GRK1: variants seen among roughly 807,000 people sequenced by gnomAD.
The protein encoded by GRK1 is G protein-coupled receptor kinase 1.
Under a neutral mutation model 41.7 loss-of-function variants are expected in GRK1, and 28 were observed. The observed-to-expected ratio is 0.67, with a 90% confidence interval of 0.50 to 0.92. The LOEUF is 0.92. Among genes scored for constraint, GRK1 ranks in the 40% least tolerant of loss-of-function variants. The pLI is 0.00. For synonymous variants in GRK1, 327 were observed against 286.7 expected, an observed-to-expected ratio of 1.14 and a Z score of -1.42; for missense variants, 703 against 671.2, an observed-to-expected ratio of 1.05 and a Z score of -0.52.
chr13:113,672,232 T>G (rs1196466886), intron 3 of GRK1, among the ~76,000 whole-genome samples: 1 of 145,168 alleles, frequency 6.9e-6, no homozygotes, highest in Non-Finnish European at 1.5e-5. Flanking sequence ...TGGCATATGG[T>G]GTGTATGTGT....
intron 5 of GRK1, among the ~76,000 whole-genome samples, chr13:113,732,131 G>T (rs1018199578): frequency 2.6e-5 from 4 of 152,222 alleles, no homozygotes; most frequent in Admixed American, 6.5e-5. Context: ...CCTCTCGTTG[G>T]ACGGAGGGGG....
the GRK1 span, chr13:113,651,527 T>C: frequency 7.9e-6 from 7 of 882,670 alleles, no homozygotes; most frequent in African/African-American, 1.0e-4. Flanking sequence ...GCTGTGGTGA[T>C]GGTTCGGTGT....
At chr13:113,670,651 AGC>A (rs2049850156) in intron 2 of GRK1, among the ~76,000 whole-genome samples, 1 of 150,708 alleles carries the variant, frequency 6.6e-6, no homozygotes, top group Admixed American at 6.6e-5. Context: ...GGCACTGGGA[AGC>A]GCAGACACAG....
intron 4 of GRK1, among the ~76,000 whole-genome samples, chr13:113,728,610 CG>C (rs1177701743): frequency 1.3e-5 from 2 of 152,170 alleles, no homozygotes; most frequent in Non-Finnish European, 2.9e-5. Flanking sequence ...AGCATTGCAG[CG>C]GGGCCCGGAG....
chr13:113,728,950 G>A (rs1653212862), intron 4 of GRK1, among the ~76,000 whole-genome samples: 1 of 152,130 alleles, frequency 6.6e-6, no homozygotes. Context: ...CCCCATGCCA[G>A]CCTGAGCAGC....
At chr13:113,733,943 TGC>T (rs1491193390) in intron 6 of GRK1, among the ~76,000 whole-genome samples, 1,655 of 139,832 alleles carry the variant, frequency 0.012, 64 homozygotes, top group African/African-American at 0.048. Flanking sequence ...CATACGTGTG[TGC>T]GTGTGTGTGC....
upstream of GRK1, among the ~76,000 whole-genome samples, chr13:113,664,594 G>A (rs1369022775): frequency 1.3e-5 from 2 of 152,024 alleles, no homozygotes; most frequent in Non-Finnish European, 2.9e-5. The surrounding 1 kb of genome is among the most constrained non-coding windows in gnomAD (Gnocchi z 5.4). Flanking sequence ...TTAACCGAAC[G>A]CTTCCCAACA....
At chr13:113,654,740 C>A in the GRK1 span, 2 of 1,534,358 alleles carry the variant, frequency 1.3e-6, no homozygotes, top group East Asian at 2.4e-5. Flanking sequence ...ACGGGTCCCC[C>A]GGGCGTCTCC....
the GRK1 span, among the ~76,000 whole-genome samples, chr13:113,650,764 C>T: frequency 2.6e-5 from 4 of 152,120 alleles, no homozygotes; most frequent in Non-Finnish European, 4.4e-5. This position sits in a 1 kb window ranked among gnomAD's most constrained non-coding sequence, Gnocchi z 5.0. Flanking sequence ...GGAAGGATGA[C>T]GCAGGTGGGT....
chr13:113,656,974 G>A, the GRK1 span, among the ~76,000 whole-genome samples: 314 of 152,200 alleles, frequency 2.1e-3, 1 homozygote, highest in African/African-American at 7.1e-3. Context: ...TTCTGCCCCC[G>A]GTCCCTGCCT....
chr13:113,652,880 A>G, the GRK1 span: 1 of 1,614,026 alleles, frequency 6.2e-7, no homozygotes, highest in African/African-American at 1.3e-5. Context: ...CACCCTGTTC[A>G]TTTTAATAAT....
intron 6 of GRK1, among the ~76,000 whole-genome samples, chr13:113,734,062 A>G (rs555239797): frequency 2.8e-4 from 42 of 149,270 alleles, no homozygotes; most frequent in Admixed American, 6.0e-4. Flanking sequence ...GTGTGTGTGC[A>G]TGTGTGTGCG....
chr13:113,665,512 T>G (rs143073013), upstream of GRK1, among the ~76,000 whole-genome samples: 329 of 151,466 alleles, frequency 2.2e-3, 1 homozygote, highest in Non-Finnish European at 3.6e-3. Context: ...GTGTCTCAGG[T>G]GTGCCCCAGC....
intron 4 of GRK1, among the ~76,000 whole-genome samples, chr13:113,725,146 C>A (rs1306647186): frequency 2.6e-5 from 4 of 151,128 alleles, no homozygotes. Context: ...CCGCAGGGTC[C>A]GCATCCTTCT....
In GRK1 at chr13:113,735,083, C is replaced by T. The variant is rs923582873; in HGVS notation, c.1412C>T (p.Pro471Leu). 52 of 1,517,734 alleles carry T rather than the reference C, an allele frequency of 3.4e-5. No homozygotes were observed. The highest frequency in any genetic ancestry group is 2.4e-4 in the Admixed American group (12 of 50,306). 94.0% of individuals were successfully genotyped at this position (1,517,734 alleles called of 1,614,324 possible). A position where few individuals can be genotyped will look rare whatever the true frequency, so the allele number is the denominator to read the frequency against. ...TCTCCCACAGGGATGCTGATGCCCC[C>T]TTTCATCCCAGACTCCAAAACTGTC... ...RQLEAGMLMP[P>L]FIPDSKTVYA... Residue 471 changes from proline to leucine, a missense_variant, in exon 7 of 7, where the codon CCT becomes CTT. Coordinates refer to ENST00000335678, the MANE Select transcript of GRK1 (RefSeq NM_002929.3).
At chr13:113,732,545 C>T (rs1039408463) in intron 5 of GRK1, among the ~76,000 whole-genome samples, 2 of 152,232 alleles carry the variant, frequency 1.3e-5, no homozygotes, top group Admixed American at 6.5e-5. Flanking sequence ...TTCCGTCCAC[C>T]GTGGTGGAGT....
At chr13:113,650,496 G>A in the GRK1 span, 11 of 1,612,532 alleles carry the variant, frequency 6.8e-6, no homozygotes, top group Middle Eastern at 3.3e-4. The surrounding 1 kb of genome is among the most constrained non-coding windows in gnomAD (Gnocchi z 5.0). Flanking sequence ...GGCCGAGCTC[G>A]CGGGGCTGGT....
At chr13:113,649,092 G>A in the GRK1 span, 3 of 282,544 alleles carry the variant, frequency 1.1e-5, no homozygotes, top group African/African-American at 2.2e-5. This position sits in a 1 kb window ranked among gnomAD's most constrained non-coding sequence, Gnocchi z 4.7. Flanking sequence ...TTATGACCTG[G>A]TTAATTAGAG....
chr13:113,651,786 C>G, the GRK1 span: 1 of 1,578,100 alleles, frequency 6.3e-7, no homozygotes, highest in Admixed American at 1.8e-5. Context: ...GTGAGGTGCA[C>G]GGCACCCACC....
Sources: allele counts gnomAD v4.1 joint callset (sites outside exome capture counted in the v4.1 genomes callset), GRCh38; gene constraint gnomAD v4.1.1; non-coding constraint Gnocchi (gnomAD v3.1); transcripts MANE v1.5; gene names NCBI Gene and HGNC (gene_info 2026-07-23, HGNC 2026-07-21).